The following RHOQ variants were observed in gnomAD, a reference collection of about 807,000 sequenced individuals.
RHOQ encodes ras homolog family member Q.
In RHOQ, 7 loss-of-function variants were observed where a neutral mutation model predicts 25.8. That is an observed-to-expected ratio of 0.27 (90% CI 0.15 to 0.51). The LOEUF is 0.51. Among genes scored for constraint, RHOQ ranks in the 20% least tolerant of loss-of-function variants. RHOQ has a pLI of 0.97. For synonymous variants in RHOQ, 97 were observed against 98.6 expected, an observed-to-expected ratio of 0.98 and a Z score of 0.10; for missense variants, 165 against 260.6, an observed-to-expected ratio of 0.63 and a Z score of 2.53.
intron 2 of RHOQ, among the ~76,000 whole-genome samples, chr2:46,554,133 T>A (rs1005516953): frequency 2.7e-5 from 4 of 146,948 alleles, no homozygotes; most frequent in Non-Finnish European, 4.5e-5. Flanking sequence ...TTTTTTTTTT[T>A]AATTTATAAA....
rs1668374114 is a variant in RHOQ, at chr2:46,555,088, G to T, written c.201+11276G>T. On this transcript the variant is annotated intron_variant, in intron 2 of 4. Coordinates refer to ENST00000238738, the MANE Select transcript of RHOQ (RefSeq NM_012249.4). The surrounding 1 kb of genome is among the most constrained non-coding windows in gnomAD (Gnocchi z 4.3). ...GGAGGGACAGAGCAGGCAGATGGGG[G>T]CTCTGCTTCCTTCGGACAGGGACTT... Among the ~76,000 whole-genome samples, 1 of 152,214 alleles carries T rather than the reference G, an allele frequency of 6.6e-6. No individual in the cohort carries two copies. Among genetic ancestry groups the T allele is most frequent in the Non-Finnish European group, 1.5e-5 (1 of 68,042 alleles).
intron 4 of RHOQ, chr2:46,577,005 C>T (rs1304787215): frequency 2.8e-5 from 5 of 176,602 alleles, no homozygotes; most frequent in Admixed American, 1.2e-4. Context: ...ATCGGAAACA[C>T]GTGTCACTAC....
rs185859081 is a variant in RHOQ at position 46,575,370 on chromosome 2, G to T, written c.202-717G>T. 2.4e-3 allele frequency among the ~76,000 whole-genome samples: 355 copies of T among 150,232 alleles called. 5 individuals carry two copies. The highest frequency in any genetic ancestry group is 0.015 in the East Asian group (78 of 5,098). On this transcript the variant is annotated intron_variant, in intron 2 of 4. Transcript: ENST00000238738. Reference sequence around the variant, plus strand: ...GGAGAGTAAAGGAGGATTTTGGTGGGTTTACTGTGTATGTTTCTCTTTAAA... The same window carrying T: ...GGAGAGTAAAGGAGGATTTTGGTGGTTTTACTGTGTATGTTTCTCTTTAAA...
Position 46,543,815 on chromosome 2 carries a change from G to A in RHOQ, c.201+3G>A, listed in dbSNP as rs1243257601. The A allele has an allele frequency of 1.2e-6, 2 of 1,612,828 alleles. No homozygotes were observed. Among genetic ancestry groups the A allele is most frequent in the African/African-American group, 2.7e-5 (2 of 74,930 alleles). ...GACTCTATGACACGGCCGGACAGGT[G>A]AGTGTCTTGGCCTCTGGCCGACGCC... is the stretch of plus-strand genomic sequence containing the variant. On this transcript the variant is annotated splice_donor_region_variant and intron_variant, in intron 2 of 4. Coordinates refer to ENST00000238738, the MANE Select transcript of RHOQ (RefSeq NM_012249.4).
chr2:46,547,829 C>T (rs746755383), intron 2 of RHOQ, among the ~76,000 whole-genome samples: 1 of 152,198 alleles, frequency 6.6e-6, no homozygotes, highest in Admixed American at 6.5e-5. Context: ...CTGTTTGGAG[C>T]GATGGGAAGT....
rs528226094 is a variant in RHOQ, at chr2:46,561,175, GTA to G, written c.202-14902_202-14901del. On this transcript the variant is annotated intron_variant, in intron 2 of 4. Coordinates refer to ENST00000238738, the MANE Select transcript of RHOQ (RefSeq NM_012249.4). ...ATACACCTTTGATATATATGTGTGTGTATATATATATGTGTATATATGTACAT... is the reference window on the plus strand; with the variant it reads ...ATACACCTTTGATATATATGTGTGTGTATATATATGTGTATATATGTACAT... 7.3e-5 allele frequency among the ~76,000 whole-genome samples: 11 copies of G among 151,562 alleles called. No homozygotes were observed. The South Asian group carries it at 1.0e-3, about 14-fold the overall frequency.
intron 2 of RHOQ, among the ~76,000 whole-genome samples, chr2:46,562,036 T>C (rs1355903700): frequency 6.6e-6 from 1 of 152,110 alleles, no homozygotes; most frequent in Non-Finnish European, 1.5e-5. Context: ...CACGATTTGA[T>C]TTTCCAGGCA....
At chr2:46,578,569 CAAAAAAAAAAAAAAAAAAAAAA>C (rs755333304) in intron 4 of RHOQ, among the ~76,000 whole-genome samples, 30 of 24,070 alleles carry the variant, frequency 1.2e-3, no homozygotes, top group Admixed American at 4.5e-3. Context: ...CCATCTCTAC[CAAAAAAAAAAAAAAAAAAAAAA>C]AAAAAAAAAA....
At chr2:46,568,266 A>G (rs1668797726) in intron 2 of RHOQ, 1 of 152,244 alleles carries the variant, frequency 6.6e-6, no homozygotes, top group Non-Finnish European at 1.5e-5. Flanking sequence ...TTTCTCAGAA[A>G]GAAATATTTA....
Position 46,582,233 on chromosome 2 carries a change from A to G in RHOQ, c.*1150A>G, listed in dbSNP as rs902181648. 1 of 151,486 alleles carries G rather than the reference A, an allele frequency of 6.6e-6. No homozygotes were observed. Among genetic ancestry groups the G allele is most frequent in the African/African-American group, 2.4e-5 (1 of 41,174 alleles). The allele number at this position is 151,486 out of a possible 1,614,324, so 9.4% of individuals were successfully genotyped here. A position where few individuals can be genotyped will look rare whatever the true frequency, so the allele number is the denominator to read the frequency against. On this transcript the variant is annotated 3_prime_UTR_variant, in exon 5 of 5. Coordinates refer to ENST00000238738, the MANE Select transcript of RHOQ (RefSeq NM_012249.4). ...ATCAGGCTAGAAGTAATTAATGTTG[A>G]TTTATTTCATCTACAAGCAGTTGGT...
In RHOQ at chr2:46,543,028, G is replaced by C. The variant is rs755281918; in HGVS notation, c.-19G>C. ...GGGGGCTCCGGGGGGACCATGCCCGGAGGCCGGCCGGCAGCAGCATGGCTC... is the reference window on the plus strand; with the variant it reads ...GGGGGCTCCGGGGGGACCATGCCCGCAGGCCGGCCGGCAGCAGCATGGCTC... On this transcript the variant is annotated 5_prime_UTR_variant, in exon 1 of 5. Coordinates refer to ENST00000238738, the MANE Select transcript of RHOQ (RefSeq NM_012249.4). The C allele has an allele frequency of 2.6e-6, 4 of 1,565,542 alleles. No individual in the cohort carries two copies. The highest frequency in any genetic ancestry group is 3.5e-6 in the Non-Finnish European group (4 of 1,159,124).
chr2:46,570,601 T>C (rs1260598017), intron 2 of RHOQ, among the ~76,000 whole-genome samples: 1 of 152,206 alleles, frequency 6.6e-6, no homozygotes, highest in Non-Finnish European at 1.5e-5. Flanking sequence ...TGTAGCACCC[T>C]TTGAAGGGTG....
chr2:46,548,971 C>G lies in RHOQ; in HGVS notation c.201+5159C>G, dbSNP rs1441746105. Among the ~76,000 whole-genome samples, 4 of 152,090 alleles carry G rather than the reference C, an allele frequency of 2.6e-5. No individual in the cohort carries two copies. Among genetic ancestry groups the G allele is most frequent in the Non-Finnish European group, 5.9e-5 (4 of 68,016 alleles). On this transcript the variant is annotated intron_variant, in intron 2 of 4. Transcript: ENST00000238738. This position sits in a 1 kb window ranked among gnomAD's most constrained non-coding sequence, Gnocchi z 5.2. ...CTGATGTGGGTTTGGGTTATGCCAG[C>G]TTAGACTGTGGGCTGGCAGGCAGGG...
chr2:46,551,947 C>T (rs1035127035), intron 2 of RHOQ, among the ~76,000 whole-genome samples: 3 of 152,140 alleles, frequency 2.0e-5, no homozygotes, highest in African/African-American at 7.2e-5. Context: ...CCAGGCCACA[C>T]GGTTGGTAAA....
chr2:46,543,757 G>C lies in RHOQ; in HGVS notation c.146G>C (p.Ser49Thr). The change falls in exon 2 of 5, where the codon AGC becomes ACC. Residue 49 changes from serine to threonine, a missense_variant. By Grantham distance (58) the Ser-to-Thr change is moderately conservative (BLOSUM62 1). Transcript: ENST00000238738. The stretch of plus-strand genomic sequence containing the variant: ...GCCCCCACTTCTGTCCTTGCAGTCA[G>C]CGTCACCGTGGGGGGCAAGCAGTAC... Reference protein sequence around the residue: ...VPTVFDHYAVSVTVGGKQYLL... With the variant: ...VPTVFDHYAVTVTVGGKQYLL... 6.2e-7 allele frequency: 1 copy of C among 1,613,682 alleles called. No individual in the cohort carries two copies. Among genetic ancestry groups the C allele is most frequent in the Non-Finnish European group, 8.5e-7 (1 of 1,179,854 alleles).
At chr2:46,547,451 A>G (rs1381153306) in intron 2 of RHOQ, among the ~76,000 whole-genome samples, 1 of 152,196 alleles carries the variant, frequency 6.6e-6, no homozygotes, top group Non-Finnish European at 1.5e-5. Context: ...AAGAGAGAGA[A>G]TGGGAGAGAG....
chr2:46,553,903 C>A (rs555316229), intron 2 of RHOQ, among the ~76,000 whole-genome samples: 160 of 152,016 alleles, frequency 1.1e-3, no homozygotes, highest in Non-Finnish European at 1.9e-3. Context: ...ACCCATTAAC[C>A]ATCCCTACCT....
chr2:46,554,341 T>C (rs1171137296), intron 2 of RHOQ, among the ~76,000 whole-genome samples: 1 of 152,130 alleles, frequency 6.6e-6, no homozygotes, highest in Non-Finnish European at 1.5e-5. Flanking sequence ...TTTTGTGGGG[T>C]GCCTTGGCTC....
chr2:46,545,554 A>G (rs1243374288), intron 2 of RHOQ, among the ~76,000 whole-genome samples: 1 of 152,144 alleles, frequency 6.6e-6, no homozygotes. Flanking sequence ...ACCCCATGAG[A>G]TAGGTGGTAT....
Sources: gnomAD v4.1 joint callset for allele counts (sites outside exome capture counted in the v4.1 genomes callset) on GRCh38, gnomAD v4.1.1 for gene constraint, Gnocchi (gnomAD v3.1) non-coding constraint, MANE v1.5 for transcripts, NCBI Gene and HGNC (gene_info 2026-07-23, HGNC 2026-07-21) for gene names.